CRIM1: variants seen among roughly 807,000 people sequenced by gnomAD.
CRIM1 encodes cysteine-rich motor neuron 1 protein.
CRIM1 carries 32 observed loss-of-function variants against 116.4 expected under a neutral mutation model. The observed-to-expected ratio is 0.27, with a 90% CI of 0.21 to 0.37. CRIM1 has a LOEUF of 0.37. Ranked by LOEUF, CRIM1 falls within the 10% of genes least tolerant of loss-of-function variation. The pLI is 1.00. For missense variants in CRIM1, 1,331 were observed against 1,354.8 expected, an observed-to-expected ratio of 0.98 and a Z score of 0.28; for synonymous variants, 590 against 509.2, an observed-to-expected ratio of 1.16 and a Z score of -2.13.
In CRIM1 at chr2:36,483,662, T is replaced by G. The variant is rs538276867; in HGVS notation, c.1372+3968T>G. Among the ~76,000 whole-genome samples the G allele has an allele frequency of 4.6e-5, 7 of 152,226 alleles. No individual in the cohort carries two copies. In the East Asian group the frequency reaches 1.4e-3, roughly 29 times the overall value. ...CTCCATCCCCCTGTAAAGAAAGAAT[T>G]TGGCATATTCTTTTGAATCCCTAAA... is the stretch of plus-strand genomic sequence containing the variant. On this transcript the variant is annotated intron_variant, in intron 7 of 16. Coordinates refer to ENST00000280527, the MANE Select transcript of CRIM1 (RefSeq NM_016441.3).
intron 7 of CRIM1, among the ~76,000 whole-genome samples, chr2:36,483,510 G>A (rs139669485): frequency 1.3e-4 from 20 of 152,244 alleles, no homozygotes; most frequent in South Asian, 8.3e-4. Flanking sequence ...CACAAAGTTC[G>A]GAGGCCATGT....
intron 14 of CRIM1, among the ~76,000 whole-genome samples, chr2:36,540,876 T>C (rs960738566): frequency 6.6e-6 from 1 of 152,190 alleles, no homozygotes; most frequent in Non-Finnish European, 1.5e-5. Flanking sequence ...CTCCTTGGTT[T>C]GTGAGTTTGA....
intron 11 of CRIM1, among the ~76,000 whole-genome samples, chr2:36,514,550 G>A (rs1048968032): frequency 6.6e-6 from 1 of 152,194 alleles, no homozygotes; most frequent in Non-Finnish European, 1.5e-5. Context: ...CTTACCAAGA[G>A]TAAAATAGTA....
chr2:36,412,842 G>A (rs947614851), intron 2 of CRIM1, among the ~76,000 whole-genome samples: 3 of 152,120 alleles, frequency 2.0e-5, no homozygotes, highest in Non-Finnish European at 4.4e-5. Context: ...CTGAGGTACT[G>A]TTGTTTTCTA....
At chr2:36,368,573 T>G (rs1287649514) in intron 1 of CRIM1, among the ~76,000 whole-genome samples, 1 of 152,202 alleles carries the variant, frequency 6.6e-6, no homozygotes, top group Non-Finnish European at 1.5e-5. Context: ...GTTTGCCTTG[T>G]GGTTATTACA....
intron 15 of CRIM1, among the ~76,000 whole-genome samples, chr2:36,545,071 C>G (rs926985501): frequency 2.6e-5 from 4 of 152,150 alleles, no homozygotes; most frequent in Non-Finnish European, 5.9e-5. Context: ...TCACTATTTC[C>G]TTTTCTATAA....
At position 36,382,208 on chromosome 2, in the gene CRIM1, G is replaced by A. The variant is rs201720410; in HGVS notation, c.332-14406G>A. On this transcript the variant is annotated intron_variant, in intron 1 of 16. Transcript: ENST00000280527. Reference sequence around the variant, plus strand: ...TGTGGAACCACTAGCAGATCATGCTGTTTCCAAACTGCGCGTGTTGGCAAG... The same window carrying A: ...TGTGGAACCACTAGCAGATCATGCTATTTCCAAACTGCGCGTGTTGGCAAG... Among the ~76,000 whole-genome samples, 15 of 152,312 alleles carry A rather than the reference G, an allele frequency of 9.8e-5. No homozygotes were observed. In the East Asian group the frequency reaches 2.9e-3, roughly 29 times the overall value.
chr2:36,389,523 C>T (rs1214507127), intron 1 of CRIM1, among the ~76,000 whole-genome samples: 1 of 152,234 alleles, frequency 6.6e-6, no homozygotes, highest in Non-Finnish European at 1.5e-5. Flanking sequence ...CTGTGAGCTT[C>T]TGCGTGTGTA....
chr2:36,537,400 A>G lies in CRIM1; in HGVS notation c.2477A>G (p.Tyr826Cys). 6.2e-7 allele frequency: 1 copy of G among 1,614,256 alleles called. No individual in the cohort carries two copies. Among genetic ancestry groups the G allele is most frequent in the Non-Finnish European group, 8.5e-7 (1 of 1,180,046 alleles). Residue 826 changes from tyrosine (Y) to cysteine (C), a missense_variant, in exon 14 of 17, where the codon TAT becomes TGT. Physicochemically the swap from Tyr to Cys is radical, Grantham distance 194. Around this residue, in one of 3 missense-constraint regions of CRIM1, gnomAD observed 358 missense variants for 436.1 expected, o/e 0.82. Coordinates refer to ENST00000280527, the MANE Select transcript of CRIM1 (RefSeq NM_016441.3). Reference protein sequence around the residue: ...KVVCHFSGKAYADEERWDLDS... With the variant: ...KVVCHFSGKACADEERWDLDS... ...GTGTGCCACTTCAGTGGGAAGGCCT[A>G]TGCCGACGAGGAGCGGTGGGACCTT...
At chr2:36,481,811 C>A (rs184391263) in intron 7 of CRIM1, among the ~76,000 whole-genome samples, 1 of 152,334 alleles carries the variant, frequency 6.6e-6, no homozygotes, top group Admixed American at 6.5e-5. Flanking sequence ...TCCCCTGCCC[C>A]ACACAGCATC....
intron 13 of CRIM1, among the ~76,000 whole-genome samples, chr2:36,522,627 C>T (rs745717506): frequency 6.6e-6 from 1 of 151,808 alleles, no homozygotes. Context: ...CATGATGAAA[C>T]CCCGTCTCTA....
At chr2:36,444,698 G>A (rs558003026) in intron 4 of CRIM1, among the ~76,000 whole-genome samples, 4 of 152,296 alleles carry the variant, frequency 2.6e-5, no homozygotes, top group South Asian at 2.1e-4. Context: ...TTAGTTTCCT[G>A]TATGTCAGAT....
intron 1 of CRIM1, among the ~76,000 whole-genome samples, chr2:36,357,977 C>T (rs1572543356): frequency 1.3e-5 from 2 of 152,136 alleles, no homozygotes; most frequent in South Asian, 4.1e-4. Flanking sequence ...CACATAGGTA[C>T]TTATTTATAC....
At chr2:36,450,271 A>G (rs963219346) in intron 4 of CRIM1, among the ~76,000 whole-genome samples, 54 of 152,160 alleles carry the variant, frequency 3.5e-4, no homozygotes, top group East Asian at 2.1e-3. Flanking sequence ...GCATCAGCCC[A>G]TACATGGCTA....
rs1225364719 is a variant in CRIM1, at chr2:36,416,031, A to C, written c.505+19244A>C. On this transcript the variant is annotated intron_variant, in intron 2 of 16. Transcript: ENST00000280527. The stretch of plus-strand genomic sequence containing the variant: ...AAGACCAGCCAGGGCAACATGGTGA[A>C]ACCCTGTCTCTACTAAAAATATAAA... Among the ~76,000 whole-genome samples, 4 of 152,252 alleles carry C rather than the reference A, an allele frequency of 2.6e-5. No homozygotes were observed. The East Asian group carries it at 7.7e-4, about 29-fold the overall frequency.
At chr2:36,454,806 C>T (rs980453024) in intron 4 of CRIM1, among the ~76,000 whole-genome samples, 2 of 152,128 alleles carry the variant, frequency 1.3e-5, no homozygotes, top group African/African-American at 4.8e-5. Flanking sequence ...AGGTCACAGA[C>T]CTTCTTGAGG....
chr2:36,417,601 A>G (rs1673718785), intron 2 of CRIM1, among the ~76,000 whole-genome samples: 1 of 152,182 alleles, frequency 6.6e-6, no homozygotes, highest in African/African-American at 2.4e-5. Context: ...CTAAAGACCT[A>G]TCTCCACTGC....
At chr2:36,404,627 C>T (rs901597536) in intron 2 of CRIM1, among the ~76,000 whole-genome samples, 1 of 152,194 alleles carries the variant, frequency 6.6e-6, no homozygotes, top group Admixed American at 6.5e-5. Context: ...TTGCTTTTAC[C>T]TGAGGACTAT....
chr2:36,539,905 G>T (rs1666830710), intron 14 of CRIM1, among the ~76,000 whole-genome samples: 1 of 152,150 alleles, frequency 6.6e-6, no homozygotes, highest in African/African-American at 2.4e-5. Flanking sequence ...TTTAGCCATA[G>T]GTGGTTTCTA....
Sources: allele counts gnomAD v4.1 joint callset (sites outside exome capture counted in the v4.1 genomes callset), GRCh38; gene constraint gnomAD v4.1.1; regional missense constraint gnomAD v4.1.1; transcripts MANE v1.5; gene names NCBI Gene and HGNC (gene_info 2026-07-23, HGNC 2026-07-21).